KIFC2: variants seen among roughly 807,000 people sequenced by gnomAD.
KIFC2 encodes the protein kinesin family member C2.
A neutral mutation model predicts 91.5 loss-of-function variants in KIFC2; 94 were observed. The ratio of observed to expected loss-of-function variants is 1.03; its 90% CI spans 0.87 to 1.22. The LOEUF is 1.22. Ranked by LOEUF, KIFC2 falls within the 50% of genes most tolerant of loss-of-function variation. The pLI, the probability that KIFC2 is intolerant of heterozygous loss-of-function variation, is 0.00. For missense variants in KIFC2, 1,357 were observed against 1,103.3 expected, an observed-to-expected ratio of 1.23 and a Z score of -3.26; for synonymous variants, 729 against 503.9, an observed-to-expected ratio of 1.45 and a Z score of -5.98.
chr8:144,468,580 C>G lies in KIFC2; in HGVS notation c.933C>G (p.Leu311=). The change falls in exon 9 of 18, where the codon CTC becomes CTG. Residue 311 remains leucine, a synonymous_variant. Transcript: ENST00000645548. The stretch of plus-strand genomic sequence containing the variant: ...AGCTGCAGGGCCTTCAAGGGGCCCT[C>G]CAGCAGCTCCAGCAGGAGACGGAGC... ...EVQLQGLQGA[L]QQLQQETEQN... is the part of the protein sequence containing the mutation. The G allele has an allele frequency of 6.2e-7, 1 of 1,608,962 alleles. No individual in the cohort carries two copies. Among genetic ancestry groups the G allele is most frequent in the Non-Finnish European group, 8.5e-7 (1 of 1,177,788 alleles).
Position 144,467,605 on chromosome 8 carries a change from G to T in KIFC2, c.590G>T (p.Arg197Leu). 1 of 1,597,100 alleles carries T rather than the reference G, an allele frequency of 6.3e-7. No individual in the cohort carries two copies. The highest frequency in any genetic ancestry group is 8.5e-7 in the Non-Finnish European group (1 of 1,171,224). ...GAGGAGGATCAGAGGGCGTGGCAGC[G>T]GCTGGAGCAGCTCATCCTGGGACAG... ...QLEEDQRAWQ[R>L]LEQLILGQLE... Residue 197 changes from arginine to leucine, a missense_variant, in exon 5 of 18, where the codon CGG becomes CTG. By Grantham distance (102) the Arg-to-Leu change is moderately radical. Coordinates refer to ENST00000645548, the MANE Select transcript of KIFC2 (RefSeq NM_001369769.2).
chr8:144,466,716 G>A (rs1200854901), intron 1 of KIFC2, 44 bp from the exon 2 acceptor site: 5 of 1,441,154 alleles, frequency 3.5e-6, no homozygotes, highest in East Asian at 2.7e-5. Flanking sequence ...GGGCCAGCAG[G>A]CTGCCTGCCC....
At position 144,467,573 on chromosome 8, in the gene KIFC2, C is replaced by T. The variant is rs774522456; in HGVS notation, c.558C>T (p.Leu186=). The part of the protein sequence containing the change: ...LGDETQGQQP[L]QLEEDQRAWQ... ...ATGAGACCCAGGGACAGCAGCCCCT[C>T]CAGTTGGAGGAGGATCAGAGGGCGT... Residue 186 remains leucine, a synonymous_variant, in exon 5 of 18, where the codon CTC becomes CTT. Coordinates refer to ENST00000645548, the MANE Select transcript of KIFC2 (RefSeq NM_001369769.2). The T allele has an allele frequency of 6.2e-6, 10 of 1,605,410 alleles. No homozygotes were observed. The Admixed American group carries it at 1.7e-4, about 27-fold the overall frequency.
intron 5 of KIFC2, 39 bp downstream of exon 5, chr8:144,467,669 C>G (rs1199968158): frequency 6.2e-7 from 1 of 1,606,490 alleles, no homozygotes; most frequent in East Asian, 2.2e-5. Flanking sequence ...CCGGCTGGGA[C>G]GCCAGAAAAA....
rs756378315 is a variant in KIFC2 at position 144,467,060 on chromosome 8, G to A, written c.280G>A (p.Val94Ile). The A allele has an allele frequency of 6.3e-7, 1 of 1,595,444 alleles. No individual in the cohort carries two copies. Among genetic ancestry groups the A allele is most frequent in the South Asian group, 1.1e-5 (1 of 89,194 alleles). The change falls in exon 3 of 18, where the codon GTC (valine) becomes ATC (isoleucine). Residue 94 changes from valine (V) to isoleucine (I), a missense_variant. Physicochemically the swap from Val to Ile is conservative, Grantham distance 29. Coordinates refer to ENST00000645548, the MANE Select transcript of KIFC2 (RefSeq NM_001369769.2). ...ACTGCGCCTCGCCGAGTTCCTCTCC[G>A]TCCAGCTGGGGGCGGAAGAGAGCTG... ...ALLRLAEFLS[V>I]QLGAEESCGG... is the part of the protein sequence containing the mutation.
chr8:144,466,376 CGCGGGGCGGCGCGAAGCGGGGCCCTCT>C lies in KIFC2; in HGVS notation c.-41_-15del. The C allele has an allele frequency of 1.1e-5, 9 of 851,454 alleles. No individual in the cohort carries two copies. Among genetic ancestry groups the C allele is most frequent in the Non-Finnish European group, 1.4e-5 (9 of 657,302 alleles). 52.7% of individuals were successfully genotyped at this position (851,454 alleles called of 1,614,324 possible). The stretch of plus-strand genomic sequence containing the variant: ...CGGGCGCCGAGTCTGGGCGCGGGGA[CGCGGGGCGGCGCGAAGCGGGGCCCTCT>C]GCCGCCCCGCGCTCCCATGTACGCC... On this transcript the variant is annotated 5_prime_UTR_variant, in exon 1 of 18. Transcript: ENST00000645548.
Position 144,472,256 on chromosome 8 carries a change from T to A in KIFC2, c.1604T>A (p.Val535Asp). Residue 535 changes from valine to aspartate, a missense_variant, in exon 14 of 18, where the codon GTC (valine) becomes GAC (aspartate). Val to Asp is a radical substitution (Grantham distance 152, BLOSUM62 -3). Coordinates refer to ENST00000645548, the MANE Select transcript of KIFC2 (RefSeq NM_001369769.2). ...LSMVEIYNEA[V>D]RDLLAPGPPE... ...ATGGTGGAGATCTACAATGAGGCTG[T>A]CAGGTGGGCTACTCCACCAGGGAGG... 2 of 1,613,346 alleles carry A rather than the reference T, an allele frequency of 1.2e-6. No individual in the cohort carries two copies. Among genetic ancestry groups the A allele is most frequent in the Non-Finnish European group, 1.7e-6 (2 of 1,179,964 alleles).
At chr8:144,468,473 TC>T in intron 8 of KIFC2, 62 bp from the exon 9 acceptor site, 1 of 1,457,442 alleles carries the variant, frequency 6.9e-7, no homozygotes, top group Non-Finnish European at 9.2e-7. Flanking sequence ...GAGGGGCTTA[TC>T]TGAGGCAGGG....
intron 4 of KIFC2, 43 bp downstream of exon 4, chr8:144,467,384 C>A: frequency 1.3e-6 from 2 of 1,553,858 alleles, no homozygotes; most frequent in Non-Finnish European, 1.7e-6. Context: ...CTGGAGGGAG[C>A]AAATCCCGGT....
In KIFC2 at chr8:144,473,052, G is replaced by A; in HGVS notation, c.2118+1G>A. On this transcript the variant is annotated splice_donor_variant, in intron 17 of 17. Coordinates refer to ENST00000645548, the MANE Select transcript of KIFC2 (RefSeq NM_001369769.2). LOFTEE classifies it high-confidence loss of function. ...CACCACCGCGGTGCTGCTGCTGCAG[G>A]TGGGCGCCGGGGCGGGGCAGGTGTG... is the stretch of plus-strand genomic sequence containing the variant. The A allele has an allele frequency of 2.8e-6, 4 of 1,424,638 alleles. No individual in the cohort carries two copies. The highest frequency in any genetic ancestry group is 3.7e-6 in the Non-Finnish European group (4 of 1,095,458). The allele number at this position is 1,424,638 out of a possible 1,614,324, so 88.2% of individuals were successfully genotyped here.
In KIFC2 at chr8:144,473,810, C is replaced by A. The variant is rs1586726706; in HGVS notation, c.*421C>A. On this transcript the variant is annotated 3_prime_UTR_variant, in exon 18 of 18. Transcript: ENST00000645548. ...AGGGTGCAGTCTTTACTCCCTAACC[C>A]GTTTCCCGAAAAAGGTGCTACCTCC... 1 of 358,568 alleles carries A rather than the reference C, an allele frequency of 2.8e-6. No homozygotes were observed. 22.2% of individuals were successfully genotyped at this position (358,568 alleles called of 1,614,324 possible).
In KIFC2 at chr8:144,469,656, C is replaced by T. The variant is rs751652136; in HGVS notation, c.1380+9C>T. The T allele has an allele frequency of 7.0e-5, 111 of 1,585,054 alleles. No homozygotes were observed. Among genetic ancestry groups the T allele is most frequent in the Non-Finnish European group, 9.3e-5 (109 of 1,167,436 alleles). On this transcript the variant is annotated intron_variant, in intron 12 of 17. Transcript: ENST00000645548. ...ACGCCAGCCAGGAGGAGGTGACAGC[C>T]TGCCTTTGCAGCCATCCTGACCCTT...
intron 5 of KIFC2, 33 bp downstream of exon 5, chr8:144,467,663 C>G: frequency 6.2e-7 from 1 of 1,606,218 alleles, no homozygotes; most frequent in Non-Finnish European, 8.5e-7. Flanking sequence ...GGATTGCCGG[C>G]TGGGACGCCA....
At chr8:144,468,258 C>G (rs1018349035) in intron 7 of KIFC2, 71 bp from the exon 8 acceptor site, 3 of 1,406,720 alleles carry the variant, frequency 2.1e-6, no homozygotes, top group East Asian at 2.4e-5. Flanking sequence ...CTTGACTTGA[C>G]TTTCCCATCT....
intron 12 of KIFC2, 52 bp from the exon 13 acceptor site, chr8:144,471,890 A>T: frequency 6.5e-7 from 1 of 1,540,832 alleles, no homozygotes; most frequent in Non-Finnish European, 9.0e-7. Flanking sequence ...CAAATAGGGC[A>T]TAAACAGGCA....
chr8:144,469,037 A>T (rs900640693), intron 10 of KIFC2, among the ~76,000 whole-genome samples: 4 of 152,174 alleles, frequency 2.6e-5, no homozygotes, highest in African/African-American at 9.7e-5. Flanking sequence ...CTCTTAAAGC[A>T]TTGCCCAGAA....
In KIFC2 at chr8:144,467,329, C is replaced by T. The variant is rs780140731; in HGVS notation, c.457C>T (p.Pro153Ser). 11 of 1,607,938 alleles carry T rather than the reference C, an allele frequency of 6.8e-6. No individual in the cohort carries two copies. The highest frequency in any genetic ancestry group is 2.2e-5 in the East Asian group (1 of 44,842). The change falls in exon 4 of 18, where the codon CCC becomes TCC. Residue 153 changes from proline (P) to serine (S), a missense_variant. Transcript: ENST00000645548. Reference protein sequence around the residue: ...GTQPAPRVRPPSPDGSTSQEE... With the variant: ...GTQPAPRVRPSSPDGSTSQEE... ...TCAGCCAGCCCCTCGGGTCCGGCCC[C>T]CCTCTCCAGATGGTGAGTAAAGGAC...
chr8:144,470,639 T>C (rs1367413329), intron 12 of KIFC2: 1 of 152,308 alleles, frequency 6.6e-6, no homozygotes, highest in Non-Finnish European at 1.5e-5. Context: ...GCCAGCCATG[T>C]TGTTGCTCAA....
At chr8:144,468,012 G>A (rs374199559) in intron 7 of KIFC2, 25 bp downstream of exon 7, 1,195 of 1,515,386 alleles carry the variant, frequency 7.9e-4, no homozygotes, top group Non-Finnish European at 9.9e-4. Flanking sequence ...AGCTGCAGCC[G>A]TTCCTGCAGC....
Sources: gnomAD v4.1 joint callset for allele counts (sites outside exome capture counted in the v4.1 genomes callset) on GRCh38, gnomAD v4.1.1 for gene constraint, MANE v1.5 for transcripts, NCBI Gene and HGNC (gene_info 2026-07-23, HGNC 2026-07-21) for gene names.